The following CCDC88C variants were observed in gnomAD, a reference collection of about 807,000 sequenced individuals.
CCDC88C encodes the protein coiled-coil and HOOK domain protein 88C, also known as protein Daple.
A neutral mutation model predicts 198.8 loss-of-function variants in CCDC88C; 131 were observed. That is an observed-to-expected ratio of 0.66 (90% CI 0.57 to 0.76). CCDC88C has a LOEUF of 0.76. Ranked by LOEUF, CCDC88C falls within the 30% of genes least tolerant of loss-of-function variation. CCDC88C has a pLI of 0.00. For synonymous variants in CCDC88C, 1,166 were observed against 1,114.7 expected, an observed-to-expected ratio of 1.05 and a Z score of -0.92; for missense variants, 2,553 against 2,631.6, an observed-to-expected ratio of 0.97 and a Z score of 0.65.
intron 10 of CCDC88C, among the ~76,000 whole-genome samples, chr14:91,330,787 C>T (rs1892791583): frequency 2.0e-5 from 3 of 152,080 alleles, no homozygotes; most frequent in South Asian, 4.2e-4. Flanking sequence ...AACCCGGGTA[C>T]ACTGAGGCCT....
chr14:91,279,376 A>G, intron 27 of CCDC88C, 70 bp from the exon 28 acceptor site: 1 of 1,310,300 alleles, frequency 7.6e-7, no homozygotes, highest in Non-Finnish European at 1.1e-6. Context: ...GCCATCTAAG[A>G]AAAACGATGC....
chr14:91,305,754 GC>G lies in CCDC88C; in HGVS notation c.3357+10del. 1 of 1,594,626 alleles carries G rather than the reference GC, an allele frequency of 6.3e-7. No individual in the cohort carries two copies. The highest frequency in any genetic ancestry group is 1.7e-5 in the Admixed American group (1 of 59,686). The stretch of plus-strand genomic sequence containing the variant: ...AGGCTTGTGACCACTGGTGTTGGGA[GC>G]CCCGCTCACCTGCAGCTTGGCGGTC... On this transcript the variant is annotated intron_variant, in intron 19 of 29. Transcript: ENST00000389857.
intron 3 of CCDC88C, among the ~76,000 whole-genome samples, chr14:91,377,091 C>T (rs1412906815): frequency 1.4e-5 from 2 of 144,576 alleles, no homozygotes; most frequent in Non-Finnish European, 3.0e-5. Flanking sequence ...GAAACAGAAA[C>T]CATGAAAAAG....
At chr14:91,296,128 A>G (rs938262289) in intron 22 of CCDC88C, among the ~76,000 whole-genome samples, 2 of 152,106 alleles carry the variant, frequency 1.3e-5, no homozygotes, top group Non-Finnish European at 1.5e-5. Flanking sequence ...GGAGACGAAC[A>G]TGGTTTCCAT....
chr14:91,366,276 A>G (rs1894536634), intron 3 of CCDC88C, among the ~76,000 whole-genome samples: 1 of 151,988 alleles, frequency 6.6e-6, no homozygotes, highest in Admixed American at 6.6e-5. Context: ...ACCTGAGGTC[A>G]GGAGTTCAAG....
rs760184659 is a variant in CCDC88C at position 91,313,203 on chromosome 14, C to T, written c.2613G>A (p.Ala871=). The part of the protein sequence containing the change: ...KLSAVEKESR[A]LDKELARCRD... ...TGCAGCGGGCCAGCTCCTTGTCCAG[C>T]GCGCGGCTCTCCTTCTCAACGGCGG... The change falls in exon 15 of 30, where the codon GCG becomes GCA. Residue 871 remains alanine (A), a synonymous_variant. Transcript: ENST00000389857. This position sits in a 1 kb window ranked among gnomAD's most constrained non-coding sequence, Gnocchi z 5.2. The T allele has an allele frequency of 5.0e-5, 80 of 1,613,790 alleles. No individual in the cohort carries two copies. The highest frequency in any genetic ancestry group is 3.3e-4 in the Middle Eastern group (2 of 6,084).
chr14:91,277,886 A>G (rs1416264532), intron 29 of CCDC88C, 36 bp downstream of exon 29: 4 of 1,459,342 alleles, frequency 2.7e-6, no homozygotes, highest in Admixed American at 5.1e-5. Flanking sequence ...CAGAGAGGGA[A>G]GAGAGACGGG....
Position 91,303,992 on chromosome 14 carries a change from G to T in CCDC88C, c.3358-14C>A. 6.3e-7 allele frequency: 1 copy of T among 1,593,180 alleles called. No homozygotes were observed. Among genetic ancestry groups the T allele is most frequent in the Non-Finnish European group, 8.5e-7 (1 of 1,172,136 alleles). ...GGAGTTCTCCACCTGCCGAGAGGGA[G>T]AAGCGCGGCGTGGCGCAGGCCCCAC... On this transcript the variant is annotated splice_polypyrimidine_tract_variant and intron_variant, in intron 19 of 29. Transcript: ENST00000389857.
intron 3 of CCDC88C, among the ~76,000 whole-genome samples, chr14:91,382,728 C>T (rs140154254): frequency 0.016 from 2,428 of 152,258 alleles, 49 homozygotes; most frequent in Non-Finnish European, 0.023. Context: ...ATTCAAGGGA[C>T]GACCTTGTCT....
At position 91,339,875 on chromosome 14, in the gene CCDC88C, C is replaced by T. The variant is rs375585119; in HGVS notation, c.624+9G>A. On this transcript the variant is annotated intron_variant, in intron 7 of 29. Coordinates refer to ENST00000389857, the MANE Select transcript of CCDC88C (RefSeq NM_001080414.4). The surrounding 1 kb of genome is among the most constrained non-coding windows in gnomAD (Gnocchi z 5.8). Reference sequence around the variant, plus strand: ...CCAGGCTGACCGGGCCACCGACCCGCGGACGCACCTCGGTGCACTCGTCCC... The same window carrying T: ...CCAGGCTGACCGGGCCACCGACCCGTGGACGCACCTCGGTGCACTCGTCCC... 69 of 1,576,122 alleles carry T rather than the reference C, an allele frequency of 4.4e-5. No homozygotes were observed. Among genetic ancestry groups the T allele is most frequent in the African/African-American group, 9.5e-5 (7 of 73,806 alleles).
At chr14:91,358,758 C>A (rs1894156786) in intron 4 of CCDC88C, among the ~76,000 whole-genome samples, 1 of 152,160 alleles carries the variant, frequency 6.6e-6, no homozygotes, top group African/African-American at 2.4e-5. Flanking sequence ...CTGCCTCGGC[C>A]TCCCAAAGTT....
intron 23 of CCDC88C, 48 bp downstream of exon 23, chr14:91,294,125 G>A (rs1196745373): frequency 6.2e-7 from 1 of 1,605,774 alleles, no homozygotes; most frequent in East Asian, 2.2e-5. Flanking sequence ...CTGAGGATGT[G>A]CAGCTGTGGT....
In CCDC88C at chr14:91,325,459, C is replaced by T. The variant is rs1476375748; in HGVS notation, c.1197+451G>A. On this transcript the variant is annotated intron_variant, in intron 11 of 29. Transcript: ENST00000389857. The surrounding 1 kb of genome is among the most constrained non-coding windows in gnomAD (Gnocchi z 4.1). ...TTAGCAAGCTACTCCCCGCAGTCAACAAGTCATTCGTGGTAGCAGTGGCAG... is the reference window on the plus strand; with the variant it reads ...TTAGCAAGCTACTCCCCGCAGTCAATAAGTCATTCGTGGTAGCAGTGGCAG... Among the ~76,000 whole-genome samples, 2 of 152,226 alleles carry T rather than the reference C, an allele frequency of 1.3e-5. No individual in the cohort carries two copies. The highest frequency in any genetic ancestry group is 2.9e-5 in the Non-Finnish European group (2 of 68,044).
intron 2 of CCDC88C, among the ~76,000 whole-genome samples, chr14:91,414,433 G>A (rs1431963795): frequency 6.6e-6 from 1 of 152,102 alleles, no homozygotes; most frequent in Non-Finnish European, 1.5e-5. Context: ...GTTTAGTTGA[G>A]GTAATTTTAC....
At chr14:91,341,832 G>A (rs1017525143) in intron 6 of CCDC88C, among the ~76,000 whole-genome samples, 3 of 152,234 alleles carry the variant, frequency 2.0e-5, no homozygotes, top group Non-Finnish European at 2.9e-5. Flanking sequence ...CTCCGCTGAC[G>A]CTCAGTGCAG....
intron 10 of CCDC88C, among the ~76,000 whole-genome samples, chr14:91,334,977 C>T (rs764199073): frequency 6.6e-6 from 1 of 152,194 alleles, no homozygotes; most frequent in African/African-American, 2.4e-5. Context: ...TACTCGGCTT[C>T]TGCAGGTATC....
rs1744830406 is a variant in CCDC88C at position 91,294,277 on chromosome 14, A to G, written c.4008T>C (p.His1336=). 6.2e-7 allele frequency: 1 copy of G among 1,614,018 alleles called. No homozygotes were observed. The highest frequency in any genetic ancestry group is 8.5e-7 in the Non-Finnish European group (1 of 1,179,886). ...ACAGCTGGATCTGGCTCAGGAGGTGATGATTTTCTTCCTCCAAGTTCCCCT... is the reference window on the plus strand; with the variant it reads ...ACAGCTGGATCTGGCTCAGGAGGTGGTGATTTTCTTCCTCCAAGTTCCCCT... ...RLKGNLEEEN[H]HLLSQIQLLS... is the part of the protein sequence containing the mutation. The change falls in exon 23 of 30, where the codon CAT becomes CAC. Residue 1336 remains histidine, a synonymous_variant. Coordinates refer to ENST00000389857, the MANE Select transcript of CCDC88C (RefSeq NM_001080414.4).
In CCDC88C at chr14:91,303,818, T is replaced by C. The variant is rs753788110; in HGVS notation, c.3518A>G (p.His1173Arg). 1 of 1,613,366 alleles carries C rather than the reference T, an allele frequency of 6.2e-7. No homozygotes were observed. The highest frequency in any genetic ancestry group is 1.1e-5 in the South Asian group (1 of 91,090). The change falls in exon 20 of 30, where the codon CAC becomes CGC. Residue 1173 changes from histidine (H) to arginine (R), a missense_variant. Coordinates refer to ENST00000389857, the MANE Select transcript of CCDC88C (RefSeq NM_001080414.4). ...TTGCCGCTCGTGCAGCGTGCCCAGG[T>C]GCTCGTGGTCCTGCAGCAGGGCCTC... ...AYEALLQDHE[H>R]LGTLHERQSA...
chr14:91,334,950 A>T (rs1285737610), intron 10 of CCDC88C, among the ~76,000 whole-genome samples: 1 of 152,182 alleles, frequency 6.6e-6, no homozygotes, highest in Non-Finnish European at 1.5e-5. Flanking sequence ...GCCCGCCCCA[A>T]GAGCCCTGTG....
Sources: allele counts gnomAD v4.1 joint callset (sites outside exome capture counted in the v4.1 genomes callset), GRCh38; gene constraint gnomAD v4.1.1; non-coding constraint Gnocchi (gnomAD v3.1); transcripts MANE v1.5; gene names NCBI Gene and HGNC (gene_info 2026-07-23, HGNC 2026-07-21).